KCNQ3: variants seen among roughly 807,000 people sequenced by gnomAD.
KCNQ3 encodes potassium voltage-gated channel subfamily KQT member 3.
In KCNQ3, 30 loss-of-function variants were observed where a neutral mutation model predicts 92.5. The observed-to-expected ratio is 0.32, with a 90% CI of 0.24 to 0.44. KCNQ3 has a LOEUF of 0.44. Among genes scored for constraint, KCNQ3 ranks in the 20% least tolerant of loss-of-function variants. KCNQ3 has a pLI of 1.00. For missense variants in KCNQ3, 913 were observed against 1,140.3 expected, an observed-to-expected ratio of 0.80 and a Z score of 2.87; for synonymous variants, 450 against 468.8, an observed-to-expected ratio of 0.96 and a Z score of 0.52.
rs28606540 is a variant in KCNQ3, at chr8:132,480,674, C to G, written c.-142G>C. On this transcript the variant is annotated 5_prime_UTR_variant, in exon 1 of 15. Coordinates refer to ENST00000388996, the MANE Select transcript of KCNQ3 (RefSeq NM_004519.4). ...ATGATCCGCGCGCCCCTCCCCACCC[C>G]CCCCCAAAAGCAGGCAAAGGCGGGC... 1.2e-5 allele frequency: 10 copies of G among 865,098 alleles called. No individual in the cohort carries two copies. In the East Asian group the frequency reaches 3.4e-4, roughly 29 times the overall value. 53.6% of individuals were successfully genotyped at this position (865,098 alleles called of 1,614,324 possible).
chr8:132,149,578 T>G (rs1825570735), intron 9 of KCNQ3, among the ~76,000 whole-genome samples: 2 of 152,230 alleles, frequency 1.3e-5, no homozygotes, highest in East Asian at 3.8e-4. Flanking sequence ...CTGAGCCTTT[T>G]GGTTCTATGG....
At chr8:132,347,071 G>C (rs1586945925) in intron 1 of KCNQ3, among the ~76,000 whole-genome samples, 1 of 152,280 alleles carries the variant, frequency 6.6e-6, no homozygotes, top group Admixed American at 6.5e-5. Context: ...CACGCAGGTA[G>C]GATACCTGCC....
intron 9 of KCNQ3, among the ~76,000 whole-genome samples, chr8:132,158,377 A>G (rs576896487): frequency 1.3e-5 from 2 of 152,278 alleles, no homozygotes; most frequent in African/African-American, 4.8e-5. Flanking sequence ...TCACAGGGAG[A>G]AGGCAAAGCG....
At chr8:132,374,045 C>T (rs1041929380) in intron 1 of KCNQ3, among the ~76,000 whole-genome samples, 2 of 152,032 alleles carry the variant, frequency 1.3e-5, no homozygotes, top group African/African-American at 4.8e-5. Context: ...GAGGGGAGGA[C>T]GAAAGCCCCA....
At chr8:132,422,411 C>A (rs530705433) in intron 1 of KCNQ3, among the ~76,000 whole-genome samples, 2 of 152,186 alleles carry the variant, frequency 1.3e-5, no homozygotes, top group Non-Finnish European at 2.9e-5. Context: ...AGAGGGACAG[C>A]CTCAAAGCAT....
At chr8:132,425,300 C>G in intron 1 of KCNQ3, among the ~76,000 whole-genome samples, 1 of 152,356 alleles carries the variant, frequency 6.6e-6, no homozygotes, top group South Asian at 2.1e-4. Context: ...CATTGCCTTT[C>G]ATCCTTACAG....
intron 1 of KCNQ3, among the ~76,000 whole-genome samples, chr8:132,345,653 G>A (rs561976666): frequency 1.3e-5 from 2 of 152,164 alleles, no homozygotes; most frequent in Non-Finnish European, 2.9e-5. Context: ...TCTGCCCATT[G>A]TTTAAAGCAC....
intron 1 of KCNQ3, among the ~76,000 whole-genome samples, chr8:132,323,330 A>T (rs775739744): frequency 1.2e-4 from 18 of 152,198 alleles, no homozygotes; most frequent in Non-Finnish European, 2.2e-4. Context: ...CCAGCCTGCC[A>T]CCTGCATTTG....
intron 1 of KCNQ3, among the ~76,000 whole-genome samples, chr8:132,203,334 A>G (rs1827519638): frequency 6.6e-6 from 1 of 152,214 alleles, no homozygotes; most frequent in Admixed American, 6.5e-5. Context: ...CTATGACCTG[A>G]CCAAGCATCA....
intron 1 of KCNQ3, among the ~76,000 whole-genome samples, chr8:132,437,152 A>G (rs547430047): frequency 2.0e-3 from 300 of 151,620 alleles, no homozygotes; most frequent in Non-Finnish European, 3.2e-3. Context: ...GGTGGCGGGC[A>G]CCTGTAGTCC....
chr8:132,439,624 G>A (rs1330846649), intron 1 of KCNQ3, among the ~76,000 whole-genome samples: 1 of 152,096 alleles, frequency 6.6e-6, no homozygotes, highest in Non-Finnish European at 1.5e-5. Context: ...CTTTCCAGCA[G>A]AGGAGGGGGC....
chr8:132,141,115 T>C lies in KCNQ3; in HGVS notation c.1465+14A>G. On this transcript the variant is annotated intron_variant, in intron 10 of 14. Coordinates refer to ENST00000388996, the MANE Select transcript of KCNQ3 (RefSeq NM_004519.4). The stretch of plus-strand genomic sequence containing the variant: ...GAAGTGGAAGAGACAGGGAGGGAGA[T>C]AAAAAGGCATTACCTTCAGAACTCT... 11 of 1,612,470 alleles carry C rather than the reference T, an allele frequency of 6.8e-6. No homozygotes were observed. The highest frequency in any genetic ancestry group is 9.3e-6 in the Non-Finnish European group (11 of 1,178,516).
chr8:132,325,885 C>T (rs190005064), intron 1 of KCNQ3, among the ~76,000 whole-genome samples: 94 of 151,912 alleles, frequency 6.2e-4, no homozygotes, highest in Middle Eastern at 3.4e-3. Flanking sequence ...CATGAGAGGC[C>T]AAAAAAGGTA....
At chr8:132,250,770 C>T (rs1815381139) in intron 1 of KCNQ3, among the ~76,000 whole-genome samples, 1 of 152,128 alleles carries the variant, frequency 6.6e-6, no homozygotes, top group South Asian at 2.1e-4. Context: ...CATGGGCTGG[C>T]TTCAACCTGG....
chr8:132,345,935 A>G (rs1818675141), intron 1 of KCNQ3, among the ~76,000 whole-genome samples: 2 of 151,978 alleles, frequency 1.3e-5, no homozygotes, highest in South Asian at 4.1e-4. Flanking sequence ...GATGATGATG[A>G]TGATGATGAT....
intron 14 of KCNQ3, among the ~76,000 whole-genome samples, chr8:132,130,437 T>G (rs1283232328): frequency 6.6e-6 from 1 of 152,232 alleles, no homozygotes; most frequent in Non-Finnish European, 1.5e-5. Context: ...CTTGCAACTC[T>G]TAATAATAGA....
chr8:132,338,086 C>CT (rs1818417317), intron 1 of KCNQ3, among the ~76,000 whole-genome samples: 1 of 152,148 alleles, frequency 6.6e-6, no homozygotes, highest in East Asian at 1.9e-4. Context: ...CTATAATTTC[C>CT]TTTCTTTTTG....
chr8:132,381,856 G>A (rs1819760492), intron 1 of KCNQ3, among the ~76,000 whole-genome samples: 1 of 152,314 alleles, frequency 6.6e-6, no homozygotes, highest in South Asian at 2.1e-4. Flanking sequence ...TAAGGCCTGG[G>A]CAGACTTTGT....
At chr8:132,195,804 A>G (rs1190485457) in intron 1 of KCNQ3, among the ~76,000 whole-genome samples, 10 of 152,216 alleles carry the variant, frequency 6.6e-5, no homozygotes, top group African/African-American at 1.9e-4. Context: ...ATAGGTTGAC[A>G]GTGAAAAGAT....
Sources: gnomAD v4.1 joint callset for allele counts (sites outside exome capture counted in the v4.1 genomes callset) on GRCh38, gnomAD v4.1.1 for gene constraint, MANE v1.5 for transcripts, NCBI Gene and HGNC (gene_info 2026-07-23, HGNC 2026-07-21) for gene names.